Variants in KIF18A observed in about 807,000 individuals in gnomAD.
KIF18A encodes kinesin family member 18A, also known as kinesin-like protein KIF18A.
In KIF18A, 67 loss-of-function variants were observed where a neutral mutation model predicts 103.3. The observed-to-expected ratio is 0.65, with a 90% confidence interval of 0.53 to 0.79. KIF18A has a LOEUF of 0.79. Among genes scored for constraint, KIF18A ranks in the 30% least tolerant of loss-of-function variants. The pLI is 0.00. For missense variants in KIF18A, 1,032 were observed against 1,062.5 expected, an observed-to-expected ratio of 0.97 and a Z score of 0.40; for synonymous variants, 367 against 355.5, an observed-to-expected ratio of 1.03 and a Z score of -0.36.
intron 13 of KIF18A, among the ~76,000 whole-genome samples, chr11:28,052,221 A>C (rs1850719762): frequency 6.6e-6 from 1 of 152,060 alleles, no homozygotes; most frequent in African/African-American, 2.4e-5. Context: ...TCACCACAGC[A>C]GTCAGAGAGA....
intron 1 of KIF18A, among the ~76,000 whole-genome samples, chr11:28,105,479 T>C (rs1590717531): frequency 6.6e-6 from 1 of 152,316 alleles, no homozygotes; most frequent in South Asian, 2.1e-4. Flanking sequence ...TCTCATATTC[T>C]TATACACAAT....
At chr11:28,097,587 G>A (rs756540758) in intron 2 of KIF18A, 36 bp downstream of exon 2, 7 of 1,332,668 alleles carry the variant, frequency 5.3e-6, no homozygotes, top group Admixed American at 3.4e-5. Flanking sequence ...AAGTGAAATC[G>A]GATAGAGAAA....
At chr11:28,063,799 T>C (rs1850884214) in intron 11 of KIF18A, among the ~76,000 whole-genome samples, 1 of 151,990 alleles carries the variant, frequency 6.6e-6, no homozygotes, top group Non-Finnish European at 1.5e-5. Flanking sequence ...ACAATTCTCA[T>C]AATCCATCTT....
chr11:28,043,860 TTTGA>T (rs1039042103), intron 13 of KIF18A, among the ~76,000 whole-genome samples: 1 of 151,760 alleles, frequency 6.6e-6, no homozygotes, highest in African/African-American at 2.4e-5. Context: ...TTTTTATACA[TTTGA>T]TTATTTTATA....
In KIF18A at chr11:28,036,560, G is replaced by A; in HGVS notation, c.2053C>T (p.Pro685Ser). 1 of 1,610,798 alleles carries A rather than the reference G, an allele frequency of 6.2e-7. No individual in the cohort carries two copies. Among genetic ancestry groups the A allele is most frequent in the South Asian group, 1.1e-5 (1 of 90,984 alleles). Residue 685 changes from proline to serine, a missense_variant, in exon 14 of 17, where the codon CCA becomes TCA. Coordinates refer to ENST00000263181, the MANE Select transcript of KIF18A (RefSeq NM_031217.4). ...TTGAGCTGCACACTTTGAGATGGTG[G>A]AGACTTTAGAGTATGCTGTCCTTTC... ...PLKGQHTLKS[P>S]PSQSVQLNDS...
chr11:28,082,015 T>G (rs1851172422), intron 9 of KIF18A, among the ~76,000 whole-genome samples: 1 of 151,996 alleles, frequency 6.6e-6, no homozygotes. Context: ...GAACTAGAAT[T>G]AGAAGTGGAG....
intron 13 of KIF18A, among the ~76,000 whole-genome samples, chr11:28,040,364 A>G (rs913693309): frequency 3.3e-5 from 5 of 151,714 alleles, no homozygotes; most frequent in African/African-American, 1.2e-4. Flanking sequence ...TTTCCAGAAG[A>G]GCAGGCATGG....
intron 1 of KIF18A, among the ~76,000 whole-genome samples, chr11:28,105,883 G>A (rs905866911): frequency 2.6e-5 from 4 of 152,126 alleles, no homozygotes; most frequent in African/African-American, 4.8e-5. Flanking sequence ...CTTGACATTC[G>A]TCATTGCATT....
At chr11:28,052,388 C>A (rs1850722442) in intron 13 of KIF18A, among the ~76,000 whole-genome samples, 1 of 152,088 alleles carries the variant, frequency 6.6e-6, no homozygotes, top group East Asian at 1.9e-4. Context: ...GATCTCCTCA[C>A]TACTTTCATT....
chr11:28,055,281 T>C (rs932071157), intron 13 of KIF18A, among the ~76,000 whole-genome samples: 1 of 152,222 alleles, frequency 6.6e-6, no homozygotes, highest in African/African-American at 2.4e-5. Context: ...CAGACCAACC[T>C]TTCTTCTGAA....
chr11:28,073,568 C>G (rs1851050770), intron 10 of KIF18A, among the ~76,000 whole-genome samples: 1 of 152,140 alleles, frequency 6.6e-6, no homozygotes, highest in Non-Finnish European at 1.5e-5. Flanking sequence ...CTTGAGTTCT[C>G]AGTGCCTCTG....
intron 15 of KIF18A, among the ~76,000 whole-genome samples, chr11:28,029,591 C>A (rs1322760622): frequency 6.6e-6 from 1 of 152,124 alleles, no homozygotes; most frequent in African/African-American, 2.4e-5. Flanking sequence ...TGTGCAAAAA[C>A]TGGAAGCATT....
intron 1 of KIF18A, among the ~76,000 whole-genome samples, chr11:28,099,148 T>C (rs1851414912): frequency 6.6e-6 from 1 of 152,168 alleles, no homozygotes; most frequent in South Asian, 2.1e-4. Context: ...TGAAATACTA[T>C]TCAGCCTTAA....
chr11:28,047,651 T>A (rs1850654877), intron 13 of KIF18A, among the ~76,000 whole-genome samples: 2 of 152,126 alleles, frequency 1.3e-5, no homozygotes, highest in African/African-American at 4.8e-5. Context: ...ATGTTTCTTA[T>A]TTTCCAGGTA....
At chr11:28,058,851 G>T in intron 13 of KIF18A, 75 bp downstream of exon 13, 1 of 1,094,566 alleles carries the variant, frequency 9.1e-7, no homozygotes, top group Non-Finnish European at 1.4e-6. Context: ...AAAATTAACT[G>T]TTCTATAGAT....
At chr11:28,093,592 G>A (rs1351520098) in intron 3 of KIF18A, among the ~76,000 whole-genome samples, 1 of 151,976 alleles carries the variant, frequency 6.6e-6, no homozygotes, top group South Asian at 2.1e-4. Context: ...AAGGACACAA[G>A]AGACAACATG....
At chr11:28,031,174 G>A (rs1158085759) in intron 15 of KIF18A, among the ~76,000 whole-genome samples, 5 of 151,970 alleles carry the variant, frequency 3.3e-5, no homozygotes, top group African/African-American at 7.2e-5. Context: ...CAGCCATGTC[G>A]TTACTGGGTA....
At chr11:28,051,241 TCAGA>T (rs1850707636) in intron 13 of KIF18A, among the ~76,000 whole-genome samples, 1 of 151,772 alleles carries the variant, frequency 6.6e-6, no homozygotes, top group African/African-American at 2.4e-5. Flanking sequence ...AGAATATTTT[TCAGA>T]CAAAGAATAA....
chr11:28,040,267 C>T (rs1321917776), intron 13 of KIF18A, among the ~76,000 whole-genome samples: 1 of 151,490 alleles, frequency 6.6e-6, no homozygotes, highest in African/African-American at 2.4e-5. Flanking sequence ...GTTCAATAGG[C>T]TATAAGAACT....
Sources: allele counts gnomAD v4.1 joint callset (sites outside exome capture counted in the v4.1 genomes callset), GRCh38; gene constraint gnomAD v4.1.1; transcripts MANE v1.5; gene names NCBI Gene and HGNC (gene_info 2026-07-23, HGNC 2026-07-21).